CREBBP: variants seen among roughly 807,000 people sequenced by gnomAD.
CREBBP encodes the protein CREB-binding protein.
CREBBP carries 19 observed loss-of-function variants against 265.0 expected under a neutral mutation model. The ratio of observed to expected loss-of-function variants is 0.07; its 90% CI spans 0.05 to 0.11. The LOEUF is 0.11. CREBBP is among the 10% of genes least tolerant of loss of function. The pLI, the probability that CREBBP is intolerant of heterozygous loss-of-function variation, is 1.00. For synonymous variants in CREBBP, 1,457 were observed against 1,223.7 expected, an observed-to-expected ratio of 1.19 and a Z score of -3.98; for missense variants, 2,525 against 3,219.0, an observed-to-expected ratio of 0.78 and a Z score of 5.22.
At chr16:3,759,048 T>A in intron 16 of CREBBP, 76 bp from the exon 17 acceptor site, 1 of 1,174,826 alleles carries the variant, frequency 8.5e-7, no homozygotes, top group Non-Finnish European at 1.3e-6. Context: ...TAAAACGGAA[T>A]CCTGGCTGCT....
In CREBBP at chr16:3,728,459, C is replaced by T. The variant is rs2151303001; in HGVS notation, c.6588G>A (p.Gln2196=). 1 of 1,613,904 alleles carries T rather than the reference C, an allele frequency of 6.2e-7. No individual in the cohort carries two copies. Among genetic ancestry groups the T allele is most frequent in the South Asian group, 1.1e-5 (1 of 91,072 alleles). The change falls in exon 31 of 31, where the codon CAG becomes CAA. Residue 2196 remains glutamine, a synonymous_variant. Transcript: ENST00000262367. The surrounding 1 kb of genome is among the most constrained non-coding windows in gnomAD (Gnocchi z 8.7). The stretch of plus-strand genomic sequence containing the variant: ...GCTGTTGCTGCTGCTGCTGCAGCAG[C>T]TGCCTCCGTAACATTTCTCGGTACT... ...NPQYREMLRR[Q]LLQQQQQQQQ...
At chr16:3,789,626 A>G (rs2053462002) in intron 5 of CREBBP, among the ~76,000 whole-genome samples, 1 of 152,198 alleles carries the variant, frequency 6.6e-6, no homozygotes, top group Non-Finnish European at 1.5e-5. Context: ...ACACACGATA[A>G]GCATAATTTG....
chr16:3,792,227 T>A, intron 4 of CREBBP, 133 bp from the exon 5 acceptor site: 1 of 809,988 alleles, frequency 1.2e-6, no homozygotes, highest in Non-Finnish European at 2.1e-6. Context: ...TAGGCAGTCC[T>A]CAACTTACAA....
chr16:3,759,871 A>G (rs1023296038), intron 16 of CREBBP, among the ~76,000 whole-genome samples: 1 of 152,118 alleles, frequency 6.6e-6, no homozygotes, highest in Non-Finnish European at 1.5e-5. Context: ...TGCCAAATAC[A>G]TTCAAGATGG....
chr16:3,733,361 CAAA>C (rs373861759), intron 28 of CREBBP, among the ~76,000 whole-genome samples: 4 of 81,746 alleles, frequency 4.9e-5, no homozygotes, highest in Non-Finnish European at 5.2e-5. Flanking sequence ...GACTCCATCT[CAAA>C]AAAAAAAAAA....
In CREBBP at chr16:3,725,827, A is replaced by T. The variant is rs957443817; in HGVS notation, c.*1891T>A. On this transcript the variant is annotated 3_prime_UTR_variant, in exon 31 of 31. Coordinates refer to ENST00000262367, the MANE Select transcript of CREBBP (RefSeq NM_004380.3). ...GAAGCTATTTGGGGCGTGATTTCTAAAATTACCATCACCCCCACCTAGACC... is the reference window on the plus strand; with the variant it reads ...GAAGCTATTTGGGGCGTGATTTCTATAATTACCATCACCCCCACCTAGACC... 4.3e-6 allele frequency: 1 copy of T among 233,088 alleles called. No homozygotes were observed. The highest frequency in any genetic ancestry group is 2.2e-5 in the African/African-American group (1 of 45,338). The allele number at this position is 233,088 out of a possible 1,614,324, so 14.4% of individuals were successfully genotyped here. A position where few individuals can be genotyped will look rare whatever the true frequency, so the allele number is the denominator to read the frequency against.
At chr16:3,734,803 C>T (rs1017198509) in intron 28 of CREBBP, among the ~76,000 whole-genome samples, 9 of 152,282 alleles carry the variant, frequency 5.9e-5, no homozygotes, top group African/African-American at 2.2e-4. Context: ...GGAAGCGGCC[C>T]AGGCCCCACG....
chr16:3,760,714 T>C (rs894081796), intron 16 of CREBBP, among the ~76,000 whole-genome samples: 3 of 151,304 alleles, frequency 2.0e-5, no homozygotes, highest in East Asian at 2.0e-4. Flanking sequence ...ATCATGCCCA[T>C]CTCATTTTAT....
intron 19 of CREBBP, 132 bp from the exon 20 acceptor site, chr16:3,751,938 T>C: frequency 1.2e-6 from 1 of 801,784 alleles, no homozygotes; most frequent in East Asian, 2.7e-5. Flanking sequence ...GATTGATGGG[T>C]CAGTGAGGAC....
chr16:3,727,570 T>G lies in CREBBP; in HGVS notation c.*148A>C. 1 of 1,245,564 alleles carries G rather than the reference T, an allele frequency of 8.0e-7. No individual in the cohort carries two copies. 77.2% of individuals were successfully genotyped at this position (1,245,564 alleles called of 1,614,324 possible). On this transcript the variant is annotated 3_prime_UTR_variant, in exon 31 of 31. Transcript: ENST00000262367. ...ACTGGTTTTTAACAAAAAAATATAT[T>G]CTTTGTATTGTTTCTTTAAACATCA...
At chr16:3,780,708 T>C (rs534268547) in intron 8 of CREBBP, 24 bp downstream of exon 8, 47 of 1,613,162 alleles carry the variant, frequency 2.9e-5, no homozygotes, top group South Asian at 8.8e-5. Context: ...CAAACATCTA[T>C]GAAACTGCAA....
At chr16:3,875,192 A>C (rs2141598247) in intron 1 of CREBBP, among the ~76,000 whole-genome samples, 1 of 152,334 alleles carries the variant, frequency 6.6e-6, no homozygotes, top group South Asian at 2.1e-4. Flanking sequence ...CTGAATGTTC[A>C]GCCAGGAGCG....
intron 19 of CREBBP, among the ~76,000 whole-genome samples, chr16:3,753,853 A>T (rs900706902): frequency 2.4e-4 from 37 of 152,242 alleles, no homozygotes; most frequent in African/African-American, 8.9e-4. Flanking sequence ...GGGACCGTTC[A>T]AGACATTCTG....
intron 1 of CREBBP, among the ~76,000 whole-genome samples, chr16:3,853,527 G>A (rs1236118630): frequency 6.6e-6 from 1 of 151,098 alleles, no homozygotes; most frequent in African/African-American, 2.4e-5. Context: ...GGAGAATGGC[G>A]TGAACCCAGG....
At chr16:3,811,063 C>T (rs960792987) in intron 2 of CREBBP, among the ~76,000 whole-genome samples, 13 of 152,012 alleles carry the variant, frequency 8.6e-5, no homozygotes, top group African/African-American at 2.4e-4. Context: ...CACCAACACC[C>T]GAAGAAAGTC....
rs1353384117 is a variant in CREBBP at position 3,731,087 on chromosome 16, G to A, written c.5172+105C>T. ...TCCTAGTTCTGGAGGAGTCAGTGCA[G>A]CCACCATCAGGTACAGACACCAACC... On this transcript the variant is annotated intron_variant, in intron 30 of 30. Coordinates refer to ENST00000262367, the MANE Select transcript of CREBBP (RefSeq NM_004380.3). The surrounding 1 kb of genome is among the most constrained non-coding windows in gnomAD (Gnocchi z 7.7). The A allele has an allele frequency of 1.7e-6, 2 of 1,204,952 alleles. No homozygotes were observed. The highest frequency in any genetic ancestry group is 1.3e-5 in the South Asian group (1 of 75,218). The allele number at this position is 1,204,952 out of a possible 1,614,324, so 74.6% of individuals were successfully genotyped here.
chr16:3,771,257 T>A (rs538532555), intron 13 of CREBBP, among the ~76,000 whole-genome samples: 1 of 152,100 alleles, frequency 6.6e-6, no homozygotes, highest in African/African-American at 2.4e-5. Context: ...TTAGTAGAGA[T>A]CGGGTTTTGC....
At chr16:3,875,543 A>C (rs998309624) in intron 1 of CREBBP, among the ~76,000 whole-genome samples, 5 of 152,136 alleles carry the variant, frequency 3.3e-5, no homozygotes, top group Non-Finnish European at 5.9e-5. Flanking sequence ...GGCTGCCCCC[A>C]CCACAGGTGG....
intron 25 of CREBBP, chr16:3,739,377 C>A (rs373919270): frequency 1.6e-6 from 1 of 640,420 alleles, no homozygotes; most frequent in East Asian, 2.8e-5. Flanking sequence ...ACACAAAACA[C>A]GCTCACTGCA....
Sources: allele counts gnomAD v4.1 joint callset (sites outside exome capture counted in the v4.1 genomes callset), GRCh38; gene constraint gnomAD v4.1.1; non-coding constraint Gnocchi (gnomAD v3.1); transcripts MANE v1.5; gene names NCBI Gene and HGNC (gene_info 2026-07-23, HGNC 2026-07-21).